The following HSPA9 variants were observed in gnomAD, a reference collection of about 807,000 sequenced individuals.
HSPA9 encodes heat shock protein family A (Hsp70) member 9, also known as stress-70 protein, mitochondrial.
HSPA9 carries 28 observed loss-of-function variants against 81.5 expected under a neutral mutation model. That is an observed-to-expected ratio of 0.34 (90% CI 0.25 to 0.47). The LOEUF (loss-of-function observed/expected upper bound fraction) is 0.47, where lower values mean the gene tolerates loss of function less well. Ranked by LOEUF, HSPA9 falls within the 20% of genes least tolerant of loss-of-function variation. The pLI, the probability that HSPA9 is intolerant of heterozygous loss-of-function variation, is 1.00. For missense variants in HSPA9, 678 were observed against 838.0 expected, an observed-to-expected ratio of 0.81 and a Z score of 2.36; for synonymous variants, 293 against 290.4, an observed-to-expected ratio of 1.01 and a Z score of -0.09.
intron 13 of HSPA9, 71 bp downstream of exon 13, chr5:138,557,798 C>T: frequency 1.1e-6 from 1 of 912,508 alleles, no homozygotes; most frequent in South Asian, 1.3e-5. Context: ...GAGGACTCAT[C>T]ATTCTAAGAG....
chr5:138,571,984 A>T (rs1220474331), intron 3 of HSPA9, among the ~76,000 whole-genome samples: 1 of 78,356 alleles, frequency 1.3e-5, no homozygotes, highest in Non-Finnish European at 2.2e-5. Context: ...TTTGAGACAG[A>T]GTCTCACTGT....
At chr5:138,566,873 T>C (rs1030952323) in intron 8 of HSPA9, 128 bp downstream of exon 8, 69 of 1,186,538 alleles carry the variant, frequency 5.8e-5, no homozygotes, top group Non-Finnish European at 7.6e-5. Flanking sequence ...AAAAAAAATA[T>C]TCTGAAAAGA....
intron 3 of HSPA9, among the ~76,000 whole-genome samples, chr5:138,573,189 G>A (rs1343878156): frequency 5.3e-5 from 8 of 152,052 alleles, no homozygotes; most frequent in Non-Finnish European, 7.4e-5. Flanking sequence ...CACTGTACCC[G>A]GCCAATTTTT....
chr5:138,560,564 CTTTT>C (rs34922898), intron 10 of HSPA9, among the ~76,000 whole-genome samples: 1 of 135,062 alleles, frequency 7.4e-6, no homozygotes, highest in Non-Finnish European at 1.6e-5. Flanking sequence ...TTTTCTTCTT[CTTTT>C]TTTTTTTTTT....
intron 3 of HSPA9, among the ~76,000 whole-genome samples, chr5:138,573,009 C>A (rs927933701): frequency 6.6e-6 from 1 of 152,110 alleles, no homozygotes; most frequent in African/African-American, 2.4e-5. Flanking sequence ...GATTCTCCTG[C>A]CTCAGCCTCC....
chr5:138,556,232 TC>T, intron 16 of HSPA9, 118 bp from the exon 17 acceptor site: 2 of 1,031,210 alleles, frequency 1.9e-6, no homozygotes, highest in Non-Finnish European at 1.5e-6. Context: ...TCTATTCCAC[TC>T]CCCCTCCCCA....
chr5:138,565,994 C>T (rs1039946774), intron 9 of HSPA9, among the ~76,000 whole-genome samples: 1 of 152,106 alleles, frequency 6.6e-6, no homozygotes, highest in Non-Finnish European at 1.5e-5. Context: ...AAGGACCAAC[C>T]TGGCCAACAT....
At chr5:138,571,647 ATT>A (rs565771367) in intron 3 of HSPA9, among the ~76,000 whole-genome samples, 48 of 141,408 alleles carry the variant, frequency 3.4e-4, no homozygotes, top group Non-Finnish European at 5.1e-4. Flanking sequence ...TCAAACTACT[ATT>A]TTTTTTTTTT....
chr5:138,573,565 T>C (rs1417001095), intron 3 of HSPA9, among the ~76,000 whole-genome samples, 198 bp downstream of exon 3: 1 of 139,808 alleles, frequency 7.2e-6, no homozygotes, highest in South Asian at 2.2e-4. Context: ...GAGAACTGTT[T>C]GAACCCAGGA....
At position 138,566,851 on chromosome 5, in the gene HSPA9, T is replaced by C. The variant is rs910999865; in HGVS notation, c.880-133A>G. 4 of 1,130,864 alleles carry C rather than the reference T, an allele frequency of 3.5e-6. No homozygotes were observed. The African/African-American group carries it at 4.6e-5, about 13-fold the overall frequency. The allele number at this position is 1,130,864 out of a possible 1,614,324, so 70.1% of individuals were successfully genotyped here. A position where few individuals can be genotyped will look rare whatever the true frequency, so the allele number is the denominator to read the frequency against. ...AGCATGAATTACTTTTTATTACCCT[T>C]AATGTGTAGGGAAAAAAAATATTCT... On this transcript the variant is annotated intron_variant, in intron 8 of 16. Coordinates refer to ENST00000297185, the MANE Select transcript of HSPA9 (RefSeq NM_004134.7).
In HSPA9 at chr5:138,573,785, A is replaced by G; in HGVS notation, c.206T>C (p.Val69Ala). ...CACCTTTGCTTGTTTACCTTCCATAACTGCCACGCAGGAGTTGGTAGTACC... is the reference window on the plus strand; with the variant it reads ...CACCTTTGCTTGTTTACCTTCCATAGCTGCCACGCAGGAGTTGGTAGTACC... ...DLGTTNSCVAVMEGKQAKVLE... is the reference protein window; with the variant it reads ...DLGTTNSCVAAMEGKQAKVLE... The change falls in exon 3 of 17, where the codon GTT becomes GCT. Residue 69 changes from valine (V) to alanine (A), a missense_variant. Physicochemically the swap from Val to Ala is moderately conservative, Grantham distance 64. Coordinates refer to ENST00000297185, the MANE Select transcript of HSPA9 (RefSeq NM_004134.7). The G allele has an allele frequency of 6.2e-7, 1 of 1,612,202 alleles. No homozygotes were observed. The highest frequency in any genetic ancestry group is 2.2e-5 in the East Asian group (1 of 44,856).
chr5:138,556,291 C>G lies in HSPA9; in HGVS notation c.1962+161G>C, dbSNP rs191130969. 3.4e-3 allele frequency among the ~76,000 whole-genome samples: 519 copies of G among 152,310 alleles called. 5 individuals carry two copies. Among genetic ancestry groups the G allele is most frequent in the African/African-American group, 0.012 (487 of 41,560 alleles). ...CTGGATTCCTTCCCTTTGACACTAA[C>G]TCCAATGCCAAAGTAGAGTCAAGAC... On this transcript the variant is annotated intron_variant, in intron 16 of 16. Transcript: ENST00000297185.
chr5:138,566,423 TAA>T (rs1750763889), intron 9 of HSPA9, among the ~76,000 whole-genome samples: 1 of 152,006 alleles, frequency 6.6e-6, no homozygotes, highest in East Asian at 1.9e-4. Context: ...TTTGAGTGGC[TAA>T]AAAAATTTCA....
chr5:138,564,038 A>C (rs570810446), intron 9 of HSPA9, among the ~76,000 whole-genome samples: 1 of 152,292 alleles, frequency 6.6e-6, no homozygotes, highest in African/African-American at 2.4e-5. Flanking sequence ...CATCTCTCAG[A>C]TGCTATTCTT....
At chr5:138,559,138 T>C (rs935115175) in intron 11 of HSPA9, 2 of 206,404 alleles carry the variant, frequency 9.7e-6, no homozygotes, top group Non-Finnish European at 2.0e-5. Context: ...CCTCACTTCA[T>C]ACTGTCGCCC....
At chr5:138,557,620 A>G in intron 13 of HSPA9, 124 bp from the exon 14 acceptor site, 1 of 765,594 alleles carries the variant, frequency 1.3e-6, no homozygotes, top group East Asian at 2.7e-5. Context: ...GAAGAGGAGA[A>G]ATACCCTATA....
In HSPA9 at chr5:138,567,017, T is replaced by C; in HGVS notation, c.863A>G (p.Lys288Arg). The C allele has an allele frequency of 1.2e-6, 2 of 1,602,922 alleles. No individual in the cohort carries two copies. Among genetic ancestry groups the C allele is most frequent in the East Asian group, 2.2e-5 (1 of 44,880 alleles). ...GTAACTCACCTCTCTCTTGAACTCC[T>C]TCACAATGTGCCGTAGCAAGGCCTG... ...FDQALLRHIV[K>R]EFKRETGVDL... Residue 288 changes from lysine (K) to arginine (R), a missense_variant, in exon 8 of 17, where the codon AAG becomes AGG. Lys to Arg is a conservative substitution (Grantham distance 26). Around this residue, in one of 4 missense-constraint regions of HSPA9, gnomAD observed 484 missense variants for 647.5 expected, o/e 0.75. Coordinates refer to ENST00000297185, the MANE Select transcript of HSPA9 (RefSeq NM_004134.7).
At chr5:138,574,029 A>G (rs1442089315) in intron 2 of HSPA9, 39 bp downstream of exon 2, 4 of 1,507,716 alleles carry the variant, frequency 2.7e-6, no homozygotes, top group Admixed American at 3.3e-5. Flanking sequence ...TTGAAGTTTA[A>G]TATGTATTCC....
intron 4 of HSPA9, 57 bp from the exon 5 acceptor site, chr5:138,569,106 A>C (rs541607300): frequency 7.9e-5 from 122 of 1,537,846 alleles, no homozygotes; most frequent in Non-Finnish European, 7.2e-6. Context: ...ACCATGACAA[A>C]ATTACCACAT....
Sources: gnomAD v4.1 joint callset for allele counts (sites outside exome capture counted in the v4.1 genomes callset) on GRCh38, gnomAD v4.1.1 for gene constraint, gnomAD v4.1.1 regional missense constraint, MANE v1.5 for transcripts, NCBI Gene and HGNC (gene_info 2026-07-23, HGNC 2026-07-21) for gene names.